DLG2: variants seen among roughly 807,000 people sequenced by gnomAD.
The protein encoded by DLG2 is discs large MAGUK scaffold protein 2.
Under a neutral mutation model 132.5 loss-of-function variants are expected in DLG2, and 45 were observed. The ratio of observed to expected loss-of-function variants is 0.34; its 90% CI spans 0.27 to 0.44. The LOEUF (loss-of-function observed/expected upper bound fraction) is 0.44, where lower values mean the gene tolerates loss of function less well. DLG2 is among the 20% of genes least tolerant of loss of function. DLG2 has a pLI of 1.00. For synonymous variants in DLG2, 424 were observed against 419.6 expected, an observed-to-expected ratio of 1.01 and a Z score of -0.13; for missense variants, 1,045 against 1,196.9, an observed-to-expected ratio of 0.87 and a Z score of 1.87.
chr11:84,561,660 T>C (rs2099428977), intron 6 of DLG2, among the ~76,000 whole-genome samples: 1 of 152,170 alleles, frequency 6.6e-6, no homozygotes, highest in African/African-American at 2.4e-5. Context: ...TAAATCATTG[T>C]TGAGTGAAAG....
chr11:84,384,041 A>G (rs1187121224), intron 7 of DLG2, among the ~76,000 whole-genome samples: 6 of 149,212 alleles, frequency 4.0e-5, no homozygotes, highest in South Asian at 4.3e-4. Flanking sequence ...AAATTTCAAG[A>G]GCAGTTACTG....
chr11:85,449,345 T>C (rs2153040720), intron 3 of DLG2, among the ~76,000 whole-genome samples: 1 of 152,200 alleles, frequency 6.6e-6, no homozygotes, highest in East Asian at 1.9e-4. Context: ...ACCACTCTTT[T>C]ATGTTTTTCA....
At chr11:85,358,573 C>CA (rs1430064502) in intron 3 of DLG2, among the ~76,000 whole-genome samples, 5 of 152,280 alleles carry the variant, frequency 3.3e-5, no homozygotes, top group Non-Finnish European at 7.4e-5. Context: ...TTCAAGTGTT[C>CA]AAGGCAAAGA....
intron 21 of DLG2, among the ~76,000 whole-genome samples, chr11:83,515,858 G>C: frequency 6.6e-6 from 1 of 152,310 alleles, no homozygotes; most frequent in Non-Finnish European, 1.5e-5. Flanking sequence ...TTAATCCTGA[G>C]TTCTAGTTTA....
intron 15 of DLG2, among the ~76,000 whole-genome samples, chr11:83,902,244 A>G (rs2073658602): frequency 6.6e-6 from 1 of 152,120 alleles, no homozygotes; most frequent in South Asian, 2.1e-4. Flanking sequence ...GTTCTGGAAT[A>G]TCCCTCCCCT....
intron 3 of DLG2, among the ~76,000 whole-genome samples, chr11:85,530,145 C>A (rs1317161168): frequency 2.0e-5 from 3 of 149,806 alleles, no homozygotes; most frequent in African/African-American, 7.4e-5. Flanking sequence ...TACAGGCATA[C>A]ACCACCACAC....
intron 7 of DLG2, among the ~76,000 whole-genome samples, chr11:84,359,935 T>A (rs911681968): frequency 6.6e-6 from 1 of 151,954 alleles, no homozygotes; most frequent in African/African-American, 2.4e-5. Flanking sequence ...ATATATTTGA[T>A]GAGTTAATTC....
intron 18 of DLG2, among the ~76,000 whole-genome samples, chr11:83,659,401 A>T (rs2073653551): frequency 6.6e-6 from 1 of 152,120 alleles, no homozygotes; most frequent in African/African-American, 2.4e-5. Flanking sequence ...CCCATACATA[A>T]AGCATACAAT....
At chr11:84,306,701 T>C (rs1241791578) in intron 7 of DLG2, among the ~76,000 whole-genome samples, 1 of 152,214 alleles carries the variant, frequency 6.6e-6, no homozygotes, top group Non-Finnish European at 1.5e-5. Context: ...AAGACCACTC[T>C]GCACAGGGTG....
chr11:84,002,381 G>A (rs1311583205), intron 11 of DLG2, among the ~76,000 whole-genome samples: 7 of 152,146 alleles, frequency 4.6e-5, no homozygotes, highest in East Asian at 1.9e-4. Flanking sequence ...GTGCCCACCC[G>A]ACATTTCCCT....
chr11:83,694,029 T>A (rs867320104), intron 18 of DLG2, among the ~76,000 whole-genome samples: 2 of 152,214 alleles, frequency 1.3e-5, no homozygotes, highest in African/African-American at 2.4e-5. Flanking sequence ...CCCTCTTACA[T>A]AGCTTGTTTA....
intron 3 of DLG2, among the ~76,000 whole-genome samples, chr11:85,321,199 CTA>C (rs2081043661): frequency 6.6e-6 from 1 of 151,510 alleles, no homozygotes; most frequent in Admixed American, 6.6e-5. Context: ...TACATGAAGG[CTA>C]TGAGAGAGAA....
intron 11 of DLG2, among the ~76,000 whole-genome samples, chr11:84,046,999 G>C (rs923980712): frequency 2.6e-5 from 4 of 151,614 alleles, no homozygotes; most frequent in Non-Finnish European, 5.9e-5. Flanking sequence ...GGATCTCAGT[G>C]TTCCATAGAA....
intron 6 of DLG2, among the ~76,000 whole-genome samples, chr11:85,005,229 T>A (rs917647783): frequency 6.6e-6 from 1 of 152,240 alleles, no homozygotes; most frequent in African/African-American, 2.4e-5. Flanking sequence ...TGGTTCCTTA[T>A]GAAATTTAAA....
intron 3 of DLG2, among the ~76,000 whole-genome samples, chr11:85,594,875 G>A (rs1423982803): frequency 6.6e-6 from 1 of 151,812 alleles, no homozygotes; most frequent in Non-Finnish European, 1.5e-5. Flanking sequence ...AGACCAGTCT[G>A]ACCAACATGG....
chr11:85,379,689 C>A (rs1215515090), intron 3 of DLG2, among the ~76,000 whole-genome samples: 4 of 152,142 alleles, frequency 2.6e-5, no homozygotes, highest in Non-Finnish European at 5.9e-5. Context: ...CTAATCCAGG[C>A]TCTCCCACAA....
At chr11:84,033,655 C>A (rs571254419) in intron 11 of DLG2, among the ~76,000 whole-genome samples, 1 of 152,200 alleles carries the variant, frequency 6.6e-6, no homozygotes, top group Non-Finnish European at 1.5e-5. Context: ...GGGTAAAACG[C>A]TACCAAACGG....
chr11:84,902,883 G>A (rs531932086), intron 6 of DLG2, among the ~76,000 whole-genome samples: 92 of 152,146 alleles, frequency 6.0e-4, no homozygotes, highest in African/African-American at 2.1e-3. Flanking sequence ...TGCCACTCCC[G>A]TAACTCACAT....
At chr11:85,108,551 C>CAT (rs1555371987) in intron 6 of DLG2, among the ~76,000 whole-genome samples, 2 of 80,622 alleles carry the variant, frequency 2.5e-5, no homozygotes, top group East Asian at 1.5e-3. Context: ...GTTAACCGCC[C>CAT]ATTTTTTTTA....
Sources: gnomAD v4.1 joint callset for allele counts (sites outside exome capture counted in the v4.1 genomes callset) on GRCh38, gnomAD v4.1.1 for gene constraint, MANE v1.5 for transcripts, NCBI Gene and HGNC (gene_info 2026-07-23, HGNC 2026-07-21) for gene names.